Variants in PDZRN4 observed in about 807,000 individuals in gnomAD.
The protein encoded by PDZRN4 is PDZ domain-containing RING finger protein 4.
In PDZRN4, 70 loss-of-function variants were observed where a neutral mutation model predicts 99.0. That is an observed-to-expected ratio of 0.71 (90% CI 0.58 to 0.86). The LOEUF is 0.86. Among genes scored for constraint, PDZRN4 ranks in the 40% least tolerant of loss-of-function variants. The pLI, the probability that PDZRN4 is intolerant of heterozygous loss-of-function variation, is 0.00. For synonymous variants in PDZRN4, 551 were observed against 501.6 expected, an observed-to-expected ratio of 1.10 and a Z score of -1.32; for missense variants, 1,474 against 1,331.2, an observed-to-expected ratio of 1.11 and a Z score of -1.67.
intron 3 of PDZRN4, among the ~76,000 whole-genome samples, chr12:41,467,793 C>A (rs1050917982): frequency 9.9e-5 from 15 of 152,228 alleles, no homozygotes; most frequent in Non-Finnish European, 1.8e-4. Context: ...TCTGTACTTA[C>A]TGGCCAAGTA....
At chr12:41,262,533 T>G (rs756334124) in intron 3 of PDZRN4, among the ~76,000 whole-genome samples, 1 of 152,200 alleles carries the variant, frequency 6.6e-6, no homozygotes, top group Non-Finnish European at 1.5e-5. Context: ...TCTTATGCAA[T>G]AGCATCAGTA....
At chr12:41,397,146 C>T (rs1327720453) in intron 3 of PDZRN4, among the ~76,000 whole-genome samples, 1 of 152,122 alleles carries the variant, frequency 6.6e-6, no homozygotes. Flanking sequence ...AAAGATAACT[C>T]TATTTCTAAA....
intron 4 of PDZRN4, 185 bp from the exon 5 acceptor site, chr12:41,509,626 A>G (rs1198191048): frequency 1.2e-5 from 5 of 407,782 alleles, no homozygotes; most frequent in Non-Finnish European, 2.2e-5. Context: ...TTGCAAATTG[A>G]TGGACTTCAC....
At chr12:41,524,944 G>A (rs900648438) in intron 5 of PDZRN4, among the ~76,000 whole-genome samples, 2 of 152,062 alleles carry the variant, frequency 1.3e-5, no homozygotes, top group African/African-American at 4.8e-5. Flanking sequence ...CATTATTGCT[G>A]ATTGACTAAT....
At chr12:41,291,471 G>C (rs2120908433) in intron 3 of PDZRN4, among the ~76,000 whole-genome samples, 1 of 152,114 alleles carries the variant, frequency 6.6e-6, no homozygotes, top group Non-Finnish European at 1.5e-5. Flanking sequence ...TTTATTATCG[G>C]CAAATTGGGA....
chr12:41,368,426 T>G (rs1427937218), intron 3 of PDZRN4, among the ~76,000 whole-genome samples: 1 of 152,120 alleles, frequency 6.6e-6, no homozygotes, highest in Non-Finnish European at 1.5e-5. Context: ...TTCAAACTCA[T>G]GTACATGAGA....
chr12:41,503,428 C>T (rs1020106364), intron 3 of PDZRN4, among the ~76,000 whole-genome samples: 7 of 152,090 alleles, frequency 4.6e-5, no homozygotes, highest in African/African-American at 1.7e-4. Flanking sequence ...TAATAAATAG[C>T]CATTGATCTT....
intron 3 of PDZRN4, among the ~76,000 whole-genome samples, chr12:41,267,567 T>C (rs953183975): frequency 1.3e-5 from 2 of 151,812 alleles, no homozygotes; most frequent in Non-Finnish European, 2.9e-5. Flanking sequence ...CAGTGGATCA[T>C]GCCTGTAATC....
At chr12:41,380,215 G>A (rs1281730480) in intron 3 of PDZRN4, among the ~76,000 whole-genome samples, 2 of 151,772 alleles carry the variant, frequency 1.3e-5, no homozygotes, top group African/African-American at 2.4e-5. Context: ...TTCCATCACT[G>A]TTAGACTATT....
chr12:41,516,040 G>A (rs1458524124), intron 5 of PDZRN4, among the ~76,000 whole-genome samples: 1 of 151,976 alleles, frequency 6.6e-6, no homozygotes, highest in African/African-American at 2.4e-5. Flanking sequence ...CTCATGGGCT[G>A]CTGTGCCTCT....
rs1421364225 is a variant in PDZRN4 at position 41,369,745 on chromosome 12, C to G, written c.844-136711C>G. Among the ~76,000 whole-genome samples the G allele has an allele frequency of 3.9e-5, 6 of 151,942 alleles. No individual in the cohort carries two copies. In the South Asian group the frequency reaches 6.2e-4, roughly 16 times the overall value. ...TAAATACAAACCAGAATAATGTTTG[C>G]TCTTTATAAAGTAGCAGTTAAATTA... is the stretch of plus-strand genomic sequence containing the variant. On this transcript the variant is annotated intron_variant, in intron 3 of 9. Coordinates refer to ENST00000402685, the MANE Select transcript of PDZRN4 (RefSeq NM_001164595.2).
chr12:41,274,287 G>C (rs893355245), intron 3 of PDZRN4, among the ~76,000 whole-genome samples: 1 of 151,876 alleles, frequency 6.6e-6, no homozygotes, highest in Non-Finnish European at 1.5e-5. Context: ...TAAAATCTTT[G>C]ACTATATAAC....
intron 3 of PDZRN4, among the ~76,000 whole-genome samples, chr12:41,434,403 G>A (rs1952611410): frequency 6.6e-6 from 1 of 152,060 alleles, no homozygotes; most frequent in Non-Finnish European, 1.5e-5. Flanking sequence ...AGTGTGTCAT[G>A]CTAGACACCA....
In PDZRN4 at chr12:41,552,737, G is replaced by A. The variant is rs285584; in HGVS notation, c.1285G>A (p.Gly429Ser). The change falls in exon 6 of 10, where the codon GGC becomes AGC. Residue 429 changes from glycine (G) to serine (S), a missense_variant. Physicochemically the swap from Gly to Ser is moderately conservative, Grantham distance 56. Transcript: ENST00000402685. Reference sequence around the variant, plus strand: ...CCGAACAGATGATGAAGAAGACACCGGCATTTATGTCAGCGAGGTAAGAAA... The same window carrying A: ...CCGAACAGATGATGAAGAAGACACCAGCATTTATGTCAGCGAGGTAAGAAA... ...CYRTDDEEDT[G>S]IYVSEVDPNS... 0.16 allele frequency: 262,195 copies of A among 1,611,684 alleles called. 22,491 individuals are homozygous for A. Among genetic ancestry groups the A allele is most frequent in the African/African-American group, 0.24 (18,037 of 74,832 alleles).
At chr12:41,299,830 C>T (rs1335316375) in intron 3 of PDZRN4, among the ~76,000 whole-genome samples, 1 of 151,898 alleles carries the variant, frequency 6.6e-6, no homozygotes, top group African/African-American at 2.4e-5. Flanking sequence ...AGATATTACA[C>T]AAGTTATTTT....
chr12:41,402,766 T>G (rs1047809586), intron 3 of PDZRN4, among the ~76,000 whole-genome samples: 9 of 148,948 alleles, frequency 6.0e-5, no homozygotes, highest in African/African-American at 2.0e-4. Flanking sequence ...TAAAAAAAAG[T>G]TATTTTCTGT....
intron 5 of PDZRN4, among the ~76,000 whole-genome samples, chr12:41,543,686 A>G (rs1938900313): frequency 6.6e-6 from 1 of 152,092 alleles, no homozygotes; most frequent in South Asian, 2.1e-4. Context: ...CAGGGTCTAT[A>G]TATTGTGGCA....
intron 3 of PDZRN4, among the ~76,000 whole-genome samples, chr12:41,268,385 G>A (rs1272754348): frequency 6.6e-6 from 1 of 152,148 alleles, no homozygotes; most frequent in East Asian, 1.9e-4. Flanking sequence ...ACTTGTGTCT[G>A]GATTTACTGC....
intron 5 of PDZRN4, among the ~76,000 whole-genome samples, chr12:41,535,949 T>C (rs1938741289): frequency 6.6e-6 from 1 of 152,188 alleles, no homozygotes; most frequent in African/African-American, 2.4e-5. Flanking sequence ...AGGCAACACT[T>C]TTCTTTACAA....
Sources: gnomAD v4.1 joint callset for allele counts (sites outside exome capture counted in the v4.1 genomes callset) on GRCh38, gnomAD v4.1.1 for gene constraint, MANE v1.5 for transcripts, NCBI Gene and HGNC (gene_info 2026-07-23, HGNC 2026-07-21) for gene names.